Variants in LSM8 observed in about 807,000 individuals in gnomAD.
The protein encoded by LSM8 is LSM8 homolog, U6 small nuclear RNA associated, also known as LSM8 U6 small nuclear RNA associated.
A neutral mutation model predicts 15.0 loss-of-function variants in LSM8; 14 were observed. The observed-to-expected ratio is 0.93, with a 90% CI of 0.62 to 1.46. The LOEUF (loss-of-function observed/expected upper bound fraction) is 1.46. Among genes scored for constraint, LSM8 ranks in the 40% most tolerant of loss-of-function variants. The probability of loss-of-function intolerance (pLI) is 0.00; values close to 1 mark genes in which losing one functional copy is unlikely to be tolerated. For missense variants in LSM8, 90 were observed against 115.4 expected (o/e 0.78, Z 1.01); for synonymous variants, 50 against 42.1 (o/e 1.19, Z -0.73).
In LSM8 at chr7:118,195,164, C is replaced by T. The variant is rs762088277; in HGVS notation, c.*3162C>T. On this transcript the variant is annotated 3_prime_UTR_variant, in exon 4 of 4. Transcript: ENST00000249299. ...TTCTTGGGCCCTACTCGTTGTGGTT[C>T]AGCAGCTGTGTAATGGAGCAAAAAG... 6.6e-6 allele frequency among the ~76,000 whole-genome samples: 1 copy of T among 152,058 alleles called. No homozygotes were observed. The highest frequency in any genetic ancestry group is 6.6e-5 in the Admixed American group (1 of 15,246).
Position 118,196,982 on chromosome 7 carries a change from G to C in LSM8, c.*4980G>C, listed in dbSNP as rs62466512. Among the ~76,000 whole-genome samples the C allele has an allele frequency of 0.069, 10,387 of 151,554 alleles. 380 individuals carry two copies. The highest frequency in any genetic ancestry group is 0.11 in the East Asian group (560 of 5,136). ...GACCTCGTGATCTGCCCACTTCGGCGTCCCAAAGTGCTGGAATTACAGGCA... is the reference window on the plus strand; with the variant it reads ...GACCTCGTGATCTGCCCACTTCGGCCTCCCAAAGTGCTGGAATTACAGGCA... On this transcript the variant is annotated 3_prime_UTR_variant, in exon 4 of 4. Coordinates refer to ENST00000249299, the MANE Select transcript of LSM8 (RefSeq NM_016200.5).
Position 118,193,622 on chromosome 7 carries a change from A to G in LSM8, c.*1620A>G, listed in dbSNP as rs1388792794. On this transcript the variant is annotated 3_prime_UTR_variant, in exon 4 of 4. Coordinates refer to ENST00000249299, the MANE Select transcript of LSM8 (RefSeq NM_016200.5). Reference sequence around the variant, plus strand: ...TAGTATAATGTTTTATAATCAATTTATTAATAAAATGATGGAAAGTGGGTA... The same window carrying G: ...TAGTATAATGTTTTATAATCAATTTGTTAATAAAATGATGGAAAGTGGGTA... Among the ~76,000 whole-genome samples, 1 of 152,132 alleles carries G rather than the reference A, an allele frequency of 6.6e-6. No homozygotes were observed.
chr7:118,188,149 G>T (rs76071318), intron 2 of LSM8, 129 bp from the exon 3 acceptor site: 2 of 1,013,604 alleles, frequency 2.0e-6, no homozygotes, highest in East Asian at 2.5e-5. Flanking sequence ...TATAAAAAAG[G>T]CATTTTATTT....
chr7:118,190,418 G>A (rs1808959125), intron 3 of LSM8: 1 of 152,096 alleles, frequency 6.6e-6, no homozygotes, highest in African/African-American at 2.4e-5. Context: ...TTGTGCTAGA[G>A]CCAGCTTCTA....
chr7:118,187,855 A>G (rs1304035173), intron 2 of LSM8, among the ~76,000 whole-genome samples: 1 of 152,232 alleles, frequency 6.6e-6, no homozygotes, highest in Non-Finnish European at 1.5e-5. Flanking sequence ...GGCATATAGC[A>G]TATAGTGATA....
In LSM8 at chr7:118,184,183, T is replaced by G. The variant is rs1167414144; in HGVS notation, c.-41T>G. The stretch of plus-strand genomic sequence containing the variant: ...CGCGCCCTTTCAGTTCTGCTTGCTG[T>G]CGGCACCGCTGCGTTACCCGGAACC... On this transcript the variant is annotated 5_prime_UTR_variant, in exon 1 of 4. Coordinates refer to ENST00000249299, the MANE Select transcript of LSM8 (RefSeq NM_016200.5). 1.4e-5 allele frequency: 22 copies of G among 1,544,544 alleles called. No individual in the cohort carries two copies. Among genetic ancestry groups the G allele is most frequent in the Non-Finnish European group, 1.8e-5 (21 of 1,144,010 alleles).
chr7:118,197,703 T>C lies in LSM8; in HGVS notation c.*5701T>C, dbSNP rs1011366042. 2.6e-5 allele frequency among the ~76,000 whole-genome samples: 4 copies of C among 152,192 alleles called. No individual in the cohort carries two copies. The highest frequency in any genetic ancestry group is 7.2e-5 in the African/African-American group (3 of 41,452). ...ATTACAGAGACACTTCAATTCACACTCATAGGAGGTATGATTTTTAAAAGG... is the reference window on the plus strand; with the variant it reads ...ATTACAGAGACACTTCAATTCACACCCATAGGAGGTATGATTTTTAAAAGG... On this transcript the variant is annotated 3_prime_UTR_variant, in exon 4 of 4. Transcript: ENST00000249299.
In LSM8 at chr7:118,195,656, A is replaced by G. The variant is rs755426991; in HGVS notation, c.*3654A>G. Among the ~76,000 whole-genome samples the G allele has an allele frequency of 6.6e-6, 1 of 152,188 alleles. No individual in the cohort carries two copies. On this transcript the variant is annotated 3_prime_UTR_variant, in exon 4 of 4. Transcript: ENST00000249299. ...GTAAACTCAAAGGTCTTTCACATGT[A>G]AAGAGGAACCTCTCCATTCTGTACT...
At position 118,196,826 on chromosome 7, in the gene LSM8, T is replaced by G; in HGVS notation, c.*4824T>G. ...CTCACTACAACCTCCGCATCCTGGG[T>G]TCAAGCGATTCCCCTGCCTTAGCCT... is the stretch of plus-strand genomic sequence containing the variant. On this transcript the variant is annotated 3_prime_UTR_variant, in exon 4 of 4. Transcript: ENST00000249299. Among the ~76,000 whole-genome samples, 1 of 151,574 alleles carries G rather than the reference T, an allele frequency of 6.6e-6. No individual in the cohort carries two copies. The highest frequency in any genetic ancestry group is 2.4e-5 in the African/African-American group (1 of 41,200).
intron 2 of LSM8, among the ~76,000 whole-genome samples, chr7:118,187,200 T>C (rs1455186778): frequency 1.5e-5 from 2 of 132,058 alleles, no homozygotes; most frequent in Non-Finnish European, 3.3e-5. Context: ...TTCATTCTCT[T>C]TTTTATTTCA....
In LSM8 at chr7:118,200,548, T is replaced by C. The variant is rs150721461; in HGVS notation, c.*8546T>C. On this transcript the variant is annotated 3_prime_UTR_variant, in exon 4 of 4. Transcript: ENST00000249299. ...ACTTTAATATTTTCATTTATGTTTATACTATTTATTTAAATGCGGAGAACA... is the reference window on the plus strand; with the variant it reads ...ACTTTAATATTTTCATTTATGTTTACACTATTTATTTAAATGCGGAGAACA... Among the ~76,000 whole-genome samples, 298 of 152,266 alleles carry C rather than the reference T, an allele frequency of 2.0e-3. 1 individual carries two copies. Among genetic ancestry groups the C allele is most frequent in the African/African-American group, 6.9e-3 (287 of 41,564 alleles).
chr7:118,192,884 T>A lies in LSM8; in HGVS notation c.*882T>A, dbSNP rs1809008239. 6.6e-6 allele frequency: 1 copy of A among 152,118 alleles called. No individual in the cohort carries two copies. Among genetic ancestry groups the A allele is most frequent in the African/African-American group, 2.4e-5 (1 of 41,454 alleles). 9.4% of individuals were successfully genotyped at this position (152,118 alleles called of 1,614,324 possible). On this transcript the variant is annotated 3_prime_UTR_variant, in exon 4 of 4. Coordinates refer to ENST00000249299, the MANE Select transcript of LSM8 (RefSeq NM_016200.5). ...ATGATTCATTATCCATAAACCTGATTTCAGAAGACGTCAACTCAGTTTTTT... is the reference window on the plus strand; with the variant it reads ...ATGATTCATTATCCATAAACCTGATATCAGAAGACGTCAACTCAGTTTTTT...
At chr7:118,188,494 C>T in intron 3 of LSM8, 89 bp downstream of exon 3, 1 of 1,168,238 alleles carries the variant, frequency 8.6e-7, no homozygotes, top group Admixed American at 2.6e-5. Context: ...ACTGTATTGT[C>T]CATACATAGT....
chr7:118,188,175 C>T lies in LSM8; in HGVS notation c.73-103C>T. The stretch of plus-strand genomic sequence containing the variant: ...CATTTTATTTGCCGTCGTATAGGTA[C>T]TTGTATTGGAATACCTGGCAACTAA... On this transcript the variant is annotated intron_variant, in intron 2 of 3. Coordinates refer to ENST00000249299, the MANE Select transcript of LSM8 (RefSeq NM_016200.5). The T allele has an allele frequency of 9.2e-6, 12 of 1,303,918 alleles. No homozygotes were observed. In the South Asian group the frequency reaches 1.2e-4, roughly 13 times the overall value. 80.8% of individuals were successfully genotyped at this position (1,303,918 alleles called of 1,614,324 possible). A position where few individuals can be genotyped will look rare whatever the true frequency, so the allele number is the denominator to read the frequency against.
At chr7:118,190,488 T>C (rs1808959962) in intron 3 of LSM8, 1 of 152,220 alleles carries the variant, frequency 6.6e-6, no homozygotes, top group African/African-American at 2.4e-5. Flanking sequence ...TTAATTGATG[T>C]CTTGTTAGTA....
chr7:118,184,547 C>T (rs4727861), intron 1 of LSM8: 26,826 of 319,860 alleles, frequency 0.084, 1,436 homozygotes, highest in East Asian at 0.2. Flanking sequence ...TTACTATTTC[C>T]CTATGGCATA....
At chr7:118,186,653 C>G (rs1039975766) in intron 2 of LSM8, among the ~76,000 whole-genome samples, 6 of 152,194 alleles carry the variant, frequency 3.9e-5, no homozygotes, top group Non-Finnish European at 8.8e-5. Context: ...GAAACAAGTT[C>G]AGAGAAGGTG....
Position 118,196,833 on chromosome 7 carries a change from G to A in LSM8, c.*4831G>A, listed in dbSNP as rs756536263. On this transcript the variant is annotated 3_prime_UTR_variant, in exon 4 of 4. Coordinates refer to ENST00000249299, the MANE Select transcript of LSM8 (RefSeq NM_016200.5). The stretch of plus-strand genomic sequence containing the variant: ...CAACCTCCGCATCCTGGGTTCAAGC[G>A]ATTCCCCTGCCTTAGCCTCCCGAGT... Among the ~76,000 whole-genome samples, 58 of 151,594 alleles carry A rather than the reference G, an allele frequency of 3.8e-4. No homozygotes were observed. Among genetic ancestry groups the A allele is most frequent in the Middle Eastern group, 6.8e-3 (2 of 294 alleles).
At position 118,191,941 on chromosome 7, in the gene LSM8, C is replaced by CA; in HGVS notation, c.231dup (p.Asp78ArgfsTer5). The CA allele has an allele frequency of 6.2e-7, 1 of 1,612,892 alleles. No individual in the cohort carries two copies. The highest frequency in any genetic ancestry group is 2.2e-5 in the East Asian group (1 of 44,776). On this transcript the variant is annotated frameshift_variant, in exon 4 of 4. Coordinates refer to ENST00000249299, the MANE Select transcript of LSM8 (RefSeq NM_016200.5). LOFTEE classifies it high-confidence loss of function. ...GTCATTGGAGAAATCGATGAAGAAA[C>CA]AGATTCTGCGCTTGATTTGGGGAAT...
Sources: gnomAD v4.1 joint callset for allele counts (sites outside exome capture counted in the v4.1 genomes callset) on GRCh38, gnomAD v4.1.1 for gene constraint, MANE v1.5 for transcripts, NCBI Gene and HGNC (gene_info 2026-07-23, HGNC 2026-07-21) for gene names.